The following SYT2 variants were observed in gnomAD, a reference collection of about 807,000 sequenced individuals.
SYT2 encodes the protein synaptotagmin 2.
Under a neutral mutation model 39.9 loss-of-function variants are expected in SYT2, and 15 were observed. The ratio of observed to expected loss-of-function variants is 0.38; its 90% CI spans 0.25 to 0.58. The LOEUF (loss-of-function observed/expected upper bound fraction) is 0.58, where lower values mean the gene tolerates loss of function less well. Among genes scored for constraint, SYT2 ranks in the 20% least tolerant of loss-of-function variants. The pLI, the probability that SYT2 is intolerant of heterozygous loss-of-function variation, is 0.70. For missense variants in SYT2, 389 were observed against 530.3 expected (o/e 0.73, Z 2.62); for synonymous variants, 181 against 204.5 (o/e 0.89, Z 0.98).
At chr1:202,611,552 T>C (rs1246859923) in intron 1 of SYT2, among the ~76,000 whole-genome samples, 1 of 151,968 alleles carries the variant, frequency 6.6e-6, no homozygotes, top group Non-Finnish European at 1.5e-5. Flanking sequence ...GACGGGGTTT[T>C]ACCATGTTGG....
chr1:202,606,541 C>T (rs1051621360), intron 1 of SYT2, among the ~76,000 whole-genome samples: 5 of 152,148 alleles, frequency 3.3e-5, no homozygotes, highest in African/African-American at 7.2e-5. Flanking sequence ...CAGCTCTCTG[C>T]GGTTTCTTCA....
chr1:202,703,802 T>G (rs1654181269), intron 1 of SYT2, among the ~76,000 whole-genome samples: 1 of 152,174 alleles, frequency 6.6e-6, no homozygotes, highest in South Asian at 2.1e-4. Flanking sequence ...ATTTCTCCAT[T>G]CACTTCTATT....
intron 1 of SYT2, among the ~76,000 whole-genome samples, chr1:202,619,346 G>T (rs1558433211): frequency 6.6e-6 from 1 of 152,166 alleles, no homozygotes; most frequent in Non-Finnish European, 1.5e-5. Flanking sequence ...TTAGGTGAAG[G>T]CTGCAGCTGC....
chr1:202,668,030 C>G (rs764758719), intron 1 of SYT2, among the ~76,000 whole-genome samples: 10 of 152,088 alleles, frequency 6.6e-5, no homozygotes, highest in Non-Finnish European at 1.5e-5. Flanking sequence ...TCAGGCAATC[C>G]TCCCTCTCAG....
intron 1 of SYT2, among the ~76,000 whole-genome samples, chr1:202,682,641 G>T (rs1446114696): frequency 6.6e-6 from 1 of 152,148 alleles, no homozygotes; most frequent in African/African-American, 2.4e-5. Flanking sequence ...ATTCGGGCCT[G>T]GGTGAACTCC....
Position 202,629,667 on chromosome 1 carries a change from G to A in SYT2, c.-17-23878C>T, listed in dbSNP as rs1691515784. 2.0e-5 allele frequency among the ~76,000 whole-genome samples: 3 copies of A among 152,164 alleles called. No homozygotes were observed. The South Asian group carries it at 6.2e-4, about 32-fold the overall frequency. On this transcript the variant is annotated intron_variant, in intron 1 of 8. Transcript: ENST00000367268. ...TGTAATCCCGGCACTTTGGGAGGTTGAGGCCAGCCTGGGCAGCACAGTGAA... is the reference window on the plus strand; with the variant it reads ...TGTAATCCCGGCACTTTGGGAGGTTAAGGCCAGCCTGGGCAGCACAGTGAA...
At chr1:202,652,735 G>A (rs1271752372) in intron 1 of SYT2, among the ~76,000 whole-genome samples, 3 of 152,182 alleles carry the variant, frequency 2.0e-5, no homozygotes, top group Non-Finnish European at 2.9e-5. Context: ...GGACTGCTTC[G>A]GTGGAAAGAC....
At chr1:202,667,697 A>C (rs188628820) in intron 1 of SYT2, among the ~76,000 whole-genome samples, 3 of 151,844 alleles carry the variant, frequency 2.0e-5, no homozygotes, top group Middle Eastern at 3.4e-3. Flanking sequence ...ATTTTCTTTT[A>C]TTTTTATTTT....
chr1:202,619,707 A>T (rs1691153533), intron 1 of SYT2, among the ~76,000 whole-genome samples: 1 of 152,196 alleles, frequency 6.6e-6, no homozygotes. Flanking sequence ...ATTCAGAAAG[A>T]CTTGCCAGAG....
intron 1 of SYT2, among the ~76,000 whole-genome samples, chr1:202,670,805 T>C (rs1262995283): frequency 1.3e-5 from 2 of 152,238 alleles, no homozygotes; most frequent in Non-Finnish European, 2.9e-5. Flanking sequence ...AAATTCATCT[T>C]TTGTTTGTCC....
chr1:202,642,013 C>A (rs1388052566), intron 1 of SYT2, among the ~76,000 whole-genome samples: 3 of 152,098 alleles, frequency 2.0e-5, no homozygotes. Context: ...GAGGATAGGT[C>A]ATTCTACCCA....
intron 1 of SYT2, among the ~76,000 whole-genome samples, chr1:202,708,715 T>C (rs1042250735): frequency 6.6e-6 from 1 of 152,112 alleles, no homozygotes; most frequent in African/African-American, 2.4e-5. Context: ...ACCACCACTC[T>C]CATTCCACAG....
chr1:202,666,137 A>G (rs1442937626), intron 1 of SYT2, among the ~76,000 whole-genome samples: 4 of 145,592 alleles, frequency 2.7e-5, no homozygotes, highest in Non-Finnish European at 6.0e-5. Context: ...TGGGCGACAG[A>G]GCGAGACTCC....
chr1:202,611,228 G>T (rs1690876457), intron 1 of SYT2, among the ~76,000 whole-genome samples: 1 of 152,114 alleles, frequency 6.6e-6, no homozygotes, highest in African/African-American at 2.4e-5. Flanking sequence ...AAAATATTTT[G>T]TCTTTTTATT....
In SYT2 at chr1:202,628,655, G is replaced by A. The variant is rs1321679600; in HGVS notation, c.-17-22866C>T. 6.6e-6 allele frequency among the ~76,000 whole-genome samples: 1 copy of A among 152,218 alleles called. No individual in the cohort carries two copies. The highest frequency in any genetic ancestry group is 2.4e-5 in the African/African-American group (1 of 41,444). ...GCCGGGACAGACATGGGAGATAGGG[G>A]CCAGGAGGGATGAACCATGGCCTCA... On this transcript the variant is annotated intron_variant, in intron 1 of 8. Coordinates refer to ENST00000367268, the MANE Select transcript of SYT2 (RefSeq NM_177402.5). This position sits in a 1 kb window ranked among gnomAD's most constrained non-coding sequence, Gnocchi z 4.2.
chr1:202,707,476 A>T (rs1365403073), intron 1 of SYT2, among the ~76,000 whole-genome samples: 1 of 152,142 alleles, frequency 6.6e-6, no homozygotes, highest in Non-Finnish European at 1.5e-5. Context: ...CTCTGGCTTC[A>T]GCTAGGACCT....
rs758289620 is a variant in SYT2, at chr1:202,599,477, CAGAA to C, written c.920-130_920-127del. ...CTTCACTCCGCTGAGACCAGGCCCT[CAGAA>C]AGCCCCAAGTCATGCCATCCAGTTC... On this transcript the variant is annotated intron_variant, in intron 7 of 8. Coordinates refer to ENST00000367268, the MANE Select transcript of SYT2 (RefSeq NM_177402.5). This position sits in a 1 kb window ranked among gnomAD's most constrained non-coding sequence, Gnocchi z 4.4. The C allele has an allele frequency of 4.5e-6, 5 of 1,108,134 alleles. No homozygotes were observed. The highest frequency in any genetic ancestry group is 5.0e-6 in the Non-Finnish European group (4 of 798,872). The allele number at this position is 1,108,134 out of a possible 1,614,324, so 68.6% of individuals were successfully genotyped here.
At chr1:202,702,070 A>G (rs552069035) in intron 1 of SYT2, among the ~76,000 whole-genome samples, 1 of 151,672 alleles carries the variant, frequency 6.6e-6, no homozygotes, top group Non-Finnish European at 1.5e-5. Context: ...CTCACGATCT[A>G]CTCCAGGGGA....
chr1:202,622,877 T>G (rs1390633815), intron 1 of SYT2, among the ~76,000 whole-genome samples: 5 of 152,172 alleles, frequency 3.3e-5, no homozygotes, highest in Non-Finnish European at 7.3e-5. Flanking sequence ...GAGGGACTCT[T>G]ACAGACAACG....
Sources: allele counts gnomAD v4.1 joint callset (sites outside exome capture counted in the v4.1 genomes callset), GRCh38; gene constraint gnomAD v4.1.1; non-coding constraint Gnocchi (gnomAD v3.1); transcripts MANE v1.5; gene names NCBI Gene and HGNC (gene_info 2026-07-23, HGNC 2026-07-21).